IFT80: variants seen among roughly 807,000 people sequenced by gnomAD.
IFT80 encodes the protein intraflagellar transport 80.
A neutral mutation model predicts 107.9 loss-of-function variants in IFT80; 79 were observed. The observed-to-expected ratio is 0.73, with a 90% confidence interval of 0.61 to 0.88. The LOEUF is 0.88. IFT80 is among the 40% of genes least tolerant of loss of function. The pLI, the probability that IFT80 is intolerant of heterozygous loss-of-function variation, is 0.00. For synonymous variants in IFT80, 299 were observed against 300.9 expected (o/e 0.99, Z 0.07); for missense variants, 797 against 914.2 (o/e 0.87, Z 1.65).
At chr3:160,267,989 G>A (rs1332231212) in intron 19 of IFT80, among the ~76,000 whole-genome samples, 1 of 152,172 alleles carries the variant, frequency 6.6e-6, no homozygotes, top group African/African-American at 2.4e-5. Flanking sequence ...TCTAGGAGGT[G>A]CAACCTAGCT....
intron 7 of IFT80, 52 bp downstream of exon 7, chr3:160,357,437 T>C (rs377115095): frequency 2.3e-5 from 22 of 961,042 alleles, no homozygotes; most frequent in Non-Finnish European, 3.5e-5. Flanking sequence ...ATATGCTAAG[T>C]ACTTATAAAT....
At position 160,307,763 on chromosome 3, in the gene IFT80, CATT is replaced by C. The variant is rs2108277134; in HGVS notation, c.973_975del (p.Asn325del). 6.4e-7 allele frequency: 1 copy of C among 1,556,716 alleles called. No homozygotes were observed. The highest frequency in any genetic ancestry group is 8.9e-7 in the Non-Finnish European group (1 of 1,127,866). ...CGGAATTCCAGTAAATCCACTGCAT[CATT>C]AAGAACATTACGAACCTAAACAAGG... On this transcript the variant is annotated inframe_deletion, in exon 10 of 20. Transcript: ENST00000326448.
At chr3:160,354,896 A>G (rs1720962155) in intron 8 of IFT80, among the ~76,000 whole-genome samples, 2 of 152,196 alleles carry the variant, frequency 1.3e-5, no homozygotes, top group Non-Finnish European at 2.9e-5. Context: ...AGAGGACTTC[A>G]TATTTTATGT....
At chr3:160,302,494 C>A (rs1017734602) in intron 11 of IFT80, among the ~76,000 whole-genome samples, 1 of 151,986 alleles carries the variant, frequency 6.6e-6, no homozygotes, top group Admixed American at 6.6e-5. Flanking sequence ...TGGCTTTTAA[C>A]CTATTTGTGA....
chr3:160,319,773 CT>C lies in IFT80; in HGVS notation c.943del (p.Arg315GlufsTer28), dbSNP rs1482088594. 6.2e-7 allele frequency: 1 copy of C among 1,612,776 alleles called. No individual in the cohort carries two copies. Among genetic ancestry groups the C allele is most frequent in the East Asian group, 2.2e-5 (1 of 44,854 alleles). On this transcript the variant is annotated frameshift_variant, in exon 9 of 20. Coordinates refer to ENST00000326448, the MANE Select transcript of IFT80 (RefSeq NM_020800.3). LOFTEE classifies it high-confidence loss of function. Reference sequence around the variant, plus strand: ...ACATAATAATACCTGCATGGCTCTTCTTTTCGTTAATGTTACTTGAAAATTT... The same window carrying C: ...ACATAATAATACCTGCATGGCTCTTCTTTCGTTAATGTTACTTGAAAATTT... ...WKNFQVTLTK[R>X]RAMQVRNVLN...
chr3:160,279,351 T>C lies in IFT80; in HGVS notation c.1678A>G (p.Asn560Asp), dbSNP rs202145480. ...CCAACAAAACTCACAATATGGGGAT[T>C]TTTACTAAATTCACTGTTGAAAAAA... ...YERDASEFSK[N>D]PHIVSFVGNQ... Residue 560 changes from asparagine (N) to aspartate (D), a missense_variant, in exon 16 of 20, where the codon AAT becomes GAT. Asn to Asp is a conservative substitution (Grantham distance 23). Transcript: ENST00000326448. 8.1e-5 allele frequency: 130 copies of C among 1,613,080 alleles called. No homozygotes were observed. Among genetic ancestry groups the C allele is most frequent in the Middle Eastern group, 4.9e-4 (3 of 6,078 alleles).
At chr3:160,346,213 A>G (rs1321662116) in intron 8 of IFT80, among the ~76,000 whole-genome samples, 2 of 152,194 alleles carry the variant, frequency 1.3e-5, no homozygotes, top group African/African-American at 4.8e-5. Flanking sequence ...AATAATAATA[A>G]CAAAGTATTG....
Position 160,280,112 on chromosome 3 carries a change from C to T in IFT80, c.1664+555G>A, listed in dbSNP as rs376713435. 3.0e-4 allele frequency among the ~76,000 whole-genome samples: 45 copies of T among 152,164 alleles called. No individual in the cohort carries two copies. The East Asian group carries it at 6.4e-3, about 22-fold the overall frequency. Reference sequence around the variant, plus strand: ...TAAGCTAAGGTCTAGAATTAAGAAGCCTTTGTATTCCTATTTTGTCAAGAA... The same window carrying T: ...TAAGCTAAGGTCTAGAATTAAGAAGTCTTTGTATTCCTATTTTGTCAAGAA... On this transcript the variant is annotated intron_variant, in intron 15 of 19. Coordinates refer to ENST00000326448, the MANE Select transcript of IFT80 (RefSeq NM_020800.3).
intron 19 of IFT80, among the ~76,000 whole-genome samples, chr3:160,260,944 C>T (rs928954161): frequency 1.3e-5 from 2 of 150,972 alleles, no homozygotes; most frequent in African/African-American, 4.9e-5. Flanking sequence ...TCCTTCCTTG[C>T]ATTCACGAAC....
Position 160,356,328 on chromosome 3 carries a change from T to G in IFT80, c.640-178A>C, listed in dbSNP as rs561008376. On this transcript the variant is annotated intron_variant, in intron 7 of 19. Coordinates refer to ENST00000326448, the MANE Select transcript of IFT80 (RefSeq NM_020800.3). The stretch of plus-strand genomic sequence containing the variant: ...AAATCAGCACCTTATATATTAGCAA[T>G]TAAACGTCTTTACTATCACACAAGG... Among the ~76,000 whole-genome samples the G allele has an allele frequency of 2.6e-5, 4 of 152,278 alleles. No homozygotes were observed. In the South Asian group the frequency reaches 8.3e-4, roughly 32 times the overall value.
intron 8 of IFT80, among the ~76,000 whole-genome samples, chr3:160,347,291 A>G (rs1226437674): frequency 6.6e-6 from 1 of 152,028 alleles, no homozygotes; most frequent in Non-Finnish European, 1.5e-5. Context: ...TTTTTTTTTA[A>G]TTAAGCACTC....
At chr3:160,322,007 T>G (rs62272181) in intron 8 of IFT80, among the ~76,000 whole-genome samples, 2 of 67,050 alleles carry the variant, frequency 3.0e-5, no homozygotes, top group East Asian at 3.3e-4. Context: ...CAGCTTGTTA[T>G]TTATTTATTT....
chr3:160,382,771 A>T (rs1712622170), intron 2 of IFT80, among the ~76,000 whole-genome samples: 1 of 152,196 alleles, frequency 6.6e-6, no homozygotes. Flanking sequence ...GCTTTTTCTA[A>T]GGAAATGCAG....
intron 19 of IFT80, among the ~76,000 whole-genome samples, chr3:160,267,735 T>G (rs1247732201): frequency 6.6e-6 from 1 of 152,160 alleles, no homozygotes; most frequent in African/African-American, 2.4e-5. Flanking sequence ...TCTTTTTATT[T>G]TTATTTGTTT....
chr3:160,339,006 A>T (rs1719693226), intron 8 of IFT80, among the ~76,000 whole-genome samples: 1 of 152,202 alleles, frequency 6.6e-6, no homozygotes, highest in Non-Finnish European at 1.5e-5. Flanking sequence ...CGCAGAAGAA[A>T]TCTCAATGAA....
At chr3:160,311,913 T>G (rs898682471) in intron 9 of IFT80, among the ~76,000 whole-genome samples, 1 of 152,130 alleles carries the variant, frequency 6.6e-6, no homozygotes, top group Non-Finnish European at 1.5e-5. Flanking sequence ...CCTGAGTAGC[T>G]GGGACTACAG....
At chr3:160,336,030 A>G (rs1450364984) in intron 8 of IFT80, among the ~76,000 whole-genome samples, 1 of 152,194 alleles carries the variant, frequency 6.6e-6, no homozygotes. Context: ...TTGTATGGAT[A>G]GAACATAGTT....
intron 12 of IFT80, among the ~76,000 whole-genome samples, chr3:160,296,391 G>A (rs927215674): frequency 4.0e-5 from 6 of 151,526 alleles, no homozygotes; most frequent in Admixed American, 6.6e-5. Flanking sequence ...TTCTAATTTC[G>A]CCAAAGGAGT....
At chr3:160,337,493 C>A (rs1384949741) in intron 8 of IFT80, among the ~76,000 whole-genome samples, 1 of 151,846 alleles carries the variant, frequency 6.6e-6, no homozygotes, top group Non-Finnish European at 1.5e-5. Context: ...GGTGTGGTGG[C>A]AGGTGCCTGT....
Sources: allele counts gnomAD v4.1 joint callset (sites outside exome capture counted in the v4.1 genomes callset), GRCh38; gene constraint gnomAD v4.1.1; transcripts MANE v1.5; gene names NCBI Gene and HGNC (gene_info 2026-07-23, HGNC 2026-07-21).